Variants in SPINK5 observed in about 807,000 individuals in gnomAD.
SPINK5 encodes the protein serine peptidase inhibitor Kazal type 5.
Under a neutral mutation model 151.8 loss-of-function variants are expected in SPINK5, and 125 were observed. The observed-to-expected ratio is 0.82, with a 90% CI of 0.71 to 0.96. The LOEUF (loss-of-function observed/expected upper bound fraction) is 0.96. Ranked by LOEUF, SPINK5 falls within the 40% of genes least tolerant of loss-of-function variation. The pLI, the probability that SPINK5 is intolerant of heterozygous loss-of-function variation, is 0.00. For synonymous variants in SPINK5, 374 were observed against 395.3 expected (o/e 0.95, Z 0.64); for missense variants, 1,194 against 1,291.9 (o/e 0.92, Z 1.16).
At chr5:148,067,162 A>G (rs529465030) in intron 2 of SPINK5, among the ~76,000 whole-genome samples, 1 of 152,308 alleles carries the variant, frequency 6.6e-6, no homozygotes, top group Non-Finnish European at 1.5e-5. Context: ...TCTTCAGGCA[A>G]AAGCAAGCTG....
intron 22 of SPINK5, 141 bp downstream of exon 22, chr5:148,116,607 T>C: frequency 1.2e-6 from 1 of 818,758 alleles, no homozygotes; most frequent in Non-Finnish European, 2.1e-6. Context: ...GGTTGCAGGG[T>C]AAGATATCAG....
intron 16 of SPINK5, 128 bp from the exon 17 acceptor site, chr5:148,106,909 C>T: frequency 1.7e-6 from 2 of 1,181,742 alleles, no homozygotes; most frequent in Non-Finnish European, 2.4e-6. Context: ...TAAATACTTA[C>T]TGATTTACTA....
chr5:148,069,117 T>G, intron 2 of SPINK5, among the ~76,000 whole-genome samples: 1 of 152,058 alleles, frequency 6.6e-6, no homozygotes, highest in Middle Eastern at 3.4e-3. Context: ...AATAAATACC[T>G]AGTGAATTTT....
At chr5:148,093,113 C>T (rs1581071790) in intron 8 of SPINK5, among the ~76,000 whole-genome samples, 4 of 151,992 alleles carry the variant, frequency 2.6e-5, no homozygotes, top group Non-Finnish European at 1.5e-5. Context: ...GAAGGTCACA[C>T]AGTTGAAAAG....
rs940930933 is a variant in SPINK5, at chr5:148,085,925, G to T, written c.283-480G>T. Among the ~76,000 whole-genome samples the T allele has an allele frequency of 3.3e-5, 5 of 151,968 alleles. No homozygotes were observed. The East Asian group carries it at 7.8e-4, about 24-fold the overall frequency. ...CACATGAGGACACTAAAGCATAGAGGTGTTAAATAACTTGTCCAAGTCCCA... is the reference window on the plus strand; with the variant it reads ...CACATGAGGACACTAAAGCATAGAGTTGTTAAATAACTTGTCCAAGTCCCA... On this transcript the variant is annotated intron_variant, in intron 4 of 32. Coordinates refer to ENST00000256084, the MANE Select transcript of SPINK5 (RefSeq NM_006846.4).
chr5:148,067,138 C>A (rs1247907709), intron 2 of SPINK5, among the ~76,000 whole-genome samples: 1 of 152,204 alleles, frequency 6.6e-6, no homozygotes, highest in Non-Finnish European at 1.5e-5. Flanking sequence ...AATTTGTCAT[C>A]ACCTAAGAGT....
chr5:148,065,247 G>A (rs1752548373), intron 1 of SPINK5, 100 bp from the exon 2 acceptor site: 3 of 1,304,826 alleles, frequency 2.3e-6, no homozygotes, highest in Non-Finnish European at 3.2e-6. Flanking sequence ...ACAACATATT[G>A]TCATTAAAGC....
chr5:148,124,983 A>G, intron 28 of SPINK5, 146 bp downstream of exon 28: 1 of 1,239,062 alleles, frequency 8.1e-7, no homozygotes, highest in South Asian at 2.4e-5. Context: ...TTTGTATCAT[A>G]ACAAGATTTT....
intron 4 of SPINK5, among the ~76,000 whole-genome samples, chr5:148,075,689 C>T (rs1752860152): frequency 6.6e-6 from 1 of 151,696 alleles, no homozygotes. Context: ...GATCAGCAGT[C>T]TATACCAATC....
At chr5:148,124,997 G>A (rs1754394535) in intron 28 of SPINK5, 160 bp downstream of exon 28, 1 of 1,063,418 alleles carries the variant, frequency 9.4e-7, no homozygotes, top group East Asian at 3.4e-5. Context: ...AGATTTTTGG[G>A]GGTTTGGGGG....
At chr5:148,092,711 G>C (rs1004644477) in intron 8 of SPINK5, among the ~76,000 whole-genome samples, 2 of 151,766 alleles carry the variant, frequency 1.3e-5, no homozygotes, top group African/African-American at 4.8e-5. Context: ...GAATCATTGA[G>C]CATTAATTTT....
chr5:148,086,383 T>A, intron 4 of SPINK5, 22 bp from the exon 5 acceptor site: 6 of 1,608,536 alleles, frequency 3.7e-6, no homozygotes, highest in Non-Finnish European at 5.1e-6. Context: ...ATTTTGACGT[T>A]CCTTGATCAT....
intron 26 of SPINK5, among the ~76,000 whole-genome samples, chr5:148,123,521 G>GTGTGTATATATATATATA (rs1328976077): frequency 4.0e-5 from 1 of 25,016 alleles, no homozygotes; most frequent in African/African-American, 8.0e-5. Flanking sequence ...CAATATATGT[G>GTGTGTATATATATATATA]TATATATATA....
intron 10 of SPINK5, 144 bp downstream of exon 10, chr5:148,096,049 T>G: frequency 1.5e-6 from 1 of 668,484 alleles, no homozygotes; most frequent in Non-Finnish European, 2.6e-6. Flanking sequence ...GAAACTAATT[T>G]CTAGTTATTA....
intron 26 of SPINK5, 46 bp downstream of exon 26, chr5:148,120,437 T>A (rs757185582): frequency 7.7e-6 from 12 of 1,553,552 alleles, no homozygotes; most frequent in African/African-American, 2.7e-5. Context: ...GTTAGTTCAT[T>A]GTATGGTATA....
At chr5:148,126,906 T>A (rs1433190344) in intron 29 of SPINK5, 77 bp from the exon 30 acceptor site, 7 of 1,266,008 alleles carry the variant, frequency 5.5e-6, no homozygotes, top group African/African-American at 1.5e-5. Context: ...TCACATTTTA[T>A]GAGGATTGCT....
chr5:148,088,560 T>TG lies in SPINK5; in HGVS notation c.431dup (p.Val145CysfsTer4). ...ATTCTAGGAAAACCGGGTCCCAAAT[T>TG]GGTGTAAAAAGTGAAGGGGAATGTA... On this transcript the variant is annotated frameshift_variant, in exon 6 of 33. Coordinates refer to ENST00000256084, the MANE Select transcript of SPINK5 (RefSeq NM_006846.4). LOFTEE classifies it high-confidence loss of function. 1 of 1,611,632 alleles carries TG rather than the reference T, an allele frequency of 6.2e-7. No individual in the cohort carries two copies. Among genetic ancestry groups the TG allele is most frequent in the South Asian group, 1.1e-5 (1 of 91,010 alleles).
At position 148,088,529 on chromosome 5, in the gene SPINK5, C is replaced by CAGT; in HGVS notation, c.411-13_411-12insAGT. The stretch of plus-strand genomic sequence containing the variant: ...GATATTAAACTGCTGTGTCTACTAA[C>CAGT]TTTTGATTCTAGGAAAACCGGGTCC... On this transcript the variant is annotated splice_polypyrimidine_tract_variant and intron_variant, in intron 5 of 32. Coordinates refer to ENST00000256084, the MANE Select transcript of SPINK5 (RefSeq NM_006846.4). 1 of 1,610,968 alleles carries CAGT rather than the reference C, an allele frequency of 6.2e-7. No homozygotes were observed. Among genetic ancestry groups the CAGT allele is most frequent in the Non-Finnish European group, 8.5e-7 (1 of 1,177,996 alleles).
intron 2 of SPINK5, among the ~76,000 whole-genome samples, chr5:148,067,986 T>C (rs1460717504): frequency 6.6e-6 from 1 of 152,148 alleles, no homozygotes; most frequent in African/African-American, 2.4e-5. Flanking sequence ...GAGTCGTCTA[T>C]ATACTTTCTA....
Sources: allele counts gnomAD v4.1 joint callset (sites outside exome capture counted in the v4.1 genomes callset), GRCh38; gene constraint gnomAD v4.1.1; transcripts MANE v1.5; gene names NCBI Gene and HGNC (gene_info 2026-07-23, HGNC 2026-07-21).